Variants in SHISA9 observed in about 807,000 individuals in gnomAD.
The protein encoded by SHISA9 is protein shisa-9.
SHISA9 carries 13 observed loss-of-function variants against 38.0 expected under a neutral mutation model. That is an observed-to-expected ratio of 0.34 (90% confidence interval 0.22 to 0.54). SHISA9 has a LOEUF of 0.54. Among genes scored for constraint, SHISA9 ranks in the 20% least tolerant of loss-of-function variants. The probability of loss-of-function intolerance (pLI) is 0.91; values close to 1 mark genes in which losing one functional copy is unlikely to be tolerated. For synonymous variants in SHISA9, 275 were observed against 242.0 expected (o/e 1.14, Z -1.27); for missense variants, 538 against 575.8 (o/e 0.93, Z 0.67).
chr16:13,086,723 A>G (rs75484747), intron 2 of SHISA9, among the ~76,000 whole-genome samples: 7,011 of 152,312 alleles, frequency 0.046, 323 homozygotes, highest in Admixed American at 0.14. Flanking sequence ...TTGCCTTCTG[A>G]GGAAAACAAC....
At chr16:13,064,784 C>CAAAAAAAAAAAAAAA (rs72435637) in intron 2 of SHISA9, among the ~76,000 whole-genome samples, 1 of 82,376 alleles carries the variant, frequency 1.2e-5, no homozygotes, top group Non-Finnish European at 3.0e-5. Flanking sequence ...AGTTGTAAGG[C>CAAAAAAAAAAAAAAA]AAAAAAAAAA....
chr16:13,464,306 A>T, the SHISA9 span, among the ~76,000 whole-genome samples: 131 of 152,266 alleles, frequency 8.6e-4, no homozygotes, highest in African/African-American at 3.0e-3. Flanking sequence ...GGAGTTTGAG[A>T]ATCACACTTG....
At chr16:12,971,289 C>T (rs553875003) in intron 2 of SHISA9, among the ~76,000 whole-genome samples, 2 of 152,292 alleles carry the variant, frequency 1.3e-5, no homozygotes, top group East Asian at 3.9e-4. Context: ...CTAGGGCTGT[C>T]TAGTAAATCC....
chr16:13,539,552 T>C, the SHISA9 span, among the ~76,000 whole-genome samples: 2 of 151,816 alleles, frequency 1.3e-5, no homozygotes, highest in East Asian at 1.9e-4. Context: ...TTTAATCTAA[T>C]ACTTTTTGCT....
chr16:13,095,941 C>T (rs576770984), intron 2 of SHISA9, among the ~76,000 whole-genome samples: 1 of 152,244 alleles, frequency 6.6e-6, no homozygotes, highest in African/African-American at 2.4e-5. Flanking sequence ...CGAGAATTTC[C>T]AGTTGTAGTA....
intron 3 of SHISA9, among the ~76,000 whole-genome samples, chr16:13,211,958 C>G (rs1053832663): frequency 3.3e-5 from 5 of 152,160 alleles, no homozygotes. Flanking sequence ...GTGGGCCCGA[C>G]TCAGTTTTAA....
At chr16:13,416,152 A>G in the SHISA9 span, among the ~76,000 whole-genome samples, 1 of 152,230 alleles carries the variant, frequency 6.6e-6, no homozygotes, top group Non-Finnish European at 1.5e-5. Flanking sequence ...AAAAAGTAAA[A>G]AATAAAATTC....
At chr16:12,994,697 CAGCAAAAACTGAGCCT>C (rs2072436159) in intron 2 of SHISA9, among the ~76,000 whole-genome samples, 1 of 152,166 alleles carries the variant, frequency 6.6e-6, no homozygotes, top group South Asian at 2.1e-4. Context: ...TTTGTTACTG[CAGCAAAAACTGAGCCT>C]AATGAAGGTA....
intron 2 of SHISA9, among the ~76,000 whole-genome samples, chr16:12,935,520 G>A (rs2071518038): frequency 6.6e-6 from 1 of 152,106 alleles, no homozygotes; most frequent in African/African-American, 2.4e-5. Flanking sequence ...TGTGATCATG[G>A]GAAGCTCATT....
At chr16:13,230,191 CA>C (rs1192723686) in intron 4 of SHISA9, among the ~76,000 whole-genome samples, 1 of 152,192 alleles carries the variant, frequency 6.6e-6, no homozygotes, top group Non-Finnish European at 1.5e-5. Flanking sequence ...CCCAGCAGGG[CA>C]GGAACCATGT....
At chr16:13,035,409 C>T (rs2073043671) in intron 2 of SHISA9, among the ~76,000 whole-genome samples, 1 of 152,202 alleles carries the variant, frequency 6.6e-6, no homozygotes, top group South Asian at 2.1e-4. Flanking sequence ...AGTGTATCTG[C>T]ACCCAGAATC....
chr16:13,431,630 T>C, the SHISA9 span, among the ~76,000 whole-genome samples: 62,725 of 152,038 alleles, frequency 0.41, 13,148 homozygotes, highest in African/African-American at 0.44. Flanking sequence ...ATTTTTCTCA[T>C]TGATGGATTA....
chr16:13,540,728 G>A, the SHISA9 span, among the ~76,000 whole-genome samples: 1 of 152,160 alleles, frequency 6.6e-6, no homozygotes, highest in Non-Finnish European at 1.5e-5. Context: ...CTCCCATAGT[G>A]AGCATTAAGT....
the SHISA9 span, among the ~76,000 whole-genome samples, chr16:13,391,172 A>T: frequency 6.6e-6 from 1 of 152,338 alleles, no homozygotes; most frequent in South Asian, 2.1e-4. Flanking sequence ...CCTGCTGAAT[A>T]GAGTAAGTGA....
intron 1 of SHISA9, among the ~76,000 whole-genome samples, chr16:12,912,303 G>T (rs6498362): frequency 0.83 from 126,837 of 152,076 alleles, 53,688 homozygotes; most frequent in East Asian, 1. Flanking sequence ...CTTGGACTTT[G>T]GGGCTGAAAT....
chr16:13,009,947 C>A (rs1316324333), intron 2 of SHISA9, among the ~76,000 whole-genome samples: 1 of 152,090 alleles, frequency 6.6e-6, no homozygotes, highest in Non-Finnish European at 1.5e-5. Flanking sequence ...GAGGCTGAGG[C>A]AGGAGGATCA....
intron 2 of SHISA9, among the ~76,000 whole-genome samples, chr16:13,174,324 T>C (rs914788210): frequency 2.0e-5 from 3 of 152,180 alleles, no homozygotes; most frequent in Non-Finnish European, 2.9e-5. Context: ...GGAACCCAGA[T>C]ATTCCTCCTC....
the SHISA9 span, among the ~76,000 whole-genome samples, chr16:13,463,843 G>T: frequency 9.9e-5 from 15 of 152,224 alleles, no homozygotes; most frequent in African/African-American, 3.4e-4. Context: ...AGTGGCAGAG[G>T]CTTCTGAATC....
the SHISA9 span, among the ~76,000 whole-genome samples, chr16:13,554,297 T>TAA: frequency 8.3e-3 from 1,105 of 133,514 alleles, 9 homozygotes; most frequent in Non-Finnish European, 8.5e-3. Context: ...TGCTAGAGAT[T>TAA]AAAAAAAAAA....
Sources: allele counts gnomAD v4.1 joint callset (sites outside exome capture counted in the v4.1 genomes callset), GRCh38; gene constraint gnomAD v4.1.1; transcripts MANE v1.5; gene names NCBI Gene and HGNC (gene_info 2026-07-23, HGNC 2026-07-21).